The following PCDH15 variants were observed in gnomAD, a reference collection of about 807,000 sequenced individuals.
PCDH15 encodes protocadherin-15.
A neutral mutation model predicts 178.5 loss-of-function variants in PCDH15; 129 were observed. That is an observed-to-expected ratio of 0.72 (90% CI 0.63 to 0.84). The LOEUF (loss-of-function observed/expected upper bound fraction) is 0.84. Among genes scored for constraint, PCDH15 ranks in the 40% least tolerant of loss-of-function variants. PCDH15 has a pLI of 0.00. For missense variants in PCDH15, 2,230 were observed against 2,099.9 expected, an observed-to-expected ratio of 1.06 and a Z score of -1.21; for synonymous variants, 800 against 732.0, an observed-to-expected ratio of 1.09 and a Z score of -1.50.
intron 13 of PCDH15, among the ~76,000 whole-genome samples, chr10:54,166,870 G>A (rs2046284749): frequency 6.6e-6 from 1 of 152,114 alleles, no homozygotes; most frequent in Non-Finnish European, 1.5e-5. Context: ...CCTTGTGAAA[G>A]TCCTTTTCCT....
chr10:53,846,845 T>A (rs1405923777), intron 28 of PCDH15, among the ~76,000 whole-genome samples: 1 of 152,008 alleles, frequency 6.6e-6, no homozygotes, highest in East Asian at 1.9e-4. Context: ...AGCCATAATC[T>A]CAATTACCCA....
chr10:54,648,379 T>A (rs2094179470), intron 2 of PCDH15, among the ~76,000 whole-genome samples: 1 of 152,138 alleles, frequency 6.6e-6, no homozygotes, highest in Non-Finnish European at 1.5e-5. Flanking sequence ...TTTGATTATG[T>A]GTTTTCTTGT....
rs181372382 is a variant in PCDH15, at chr10:55,482,304, T to A, written c.-156+145321A>T. Among the ~76,000 whole-genome samples the A allele has an allele frequency of 4.6e-5, 7 of 151,996 alleles. No homozygotes were observed. The East Asian group carries it at 1.4e-3, about 30-fold the overall frequency. On this transcript the variant is annotated intron_variant, in intron 2 of 5. Coordinates refer to the PCDH15 transcript ENST00000613346. ...AGATTGCCACTCTGTGTCTTTTAAC[T>A]GTGGCATTTAGCCCATCCAGGTTAG...
intron 3 of PCDH15, among the ~76,000 whole-genome samples, chr10:54,889,416 G>A (rs1021722118): frequency 6.0e-5 from 9 of 150,546 alleles, no homozygotes; most frequent in South Asian, 2.1e-4. Context: ...CCCCAAACAC[G>A]CGCACAGAAC....
At chr10:54,521,966 T>C (rs552797696) in intron 3 of PCDH15, among the ~76,000 whole-genome samples, 1 of 151,286 alleles carries the variant, frequency 6.6e-6, no homozygotes, top group South Asian at 2.1e-4. Context: ...TGGGTGCATG[T>C]GGTCCTAGCT....
chr10:55,308,311 G>C (rs1843484297), intron 1 of PCDH15, among the ~76,000 whole-genome samples: 1 of 152,166 alleles, frequency 6.6e-6, no homozygotes, highest in Admixed American at 6.5e-5. Flanking sequence ...AAGCAAACTA[G>C]AGAATGGAAG....
intron 2 of PCDH15, among the ~76,000 whole-genome samples, chr10:54,564,831 C>A (rs541806754): frequency 1.3e-5 from 2 of 152,094 alleles, no homozygotes; most frequent in African/African-American, 4.8e-5. Flanking sequence ...TGAGTACCCT[C>A]AAAAAATTAC....
At chr10:54,433,403 T>G (rs2075150532) in intron 3 of PCDH15, among the ~76,000 whole-genome samples, 3 of 152,170 alleles carry the variant, frequency 2.0e-5, no homozygotes, top group Admixed American at 2.0e-4. Context: ...GATTCTGTCA[T>G]TTGCAACAAC....
At chr10:55,301,502 C>T (rs148267462) in intron 1 of PCDH15, among the ~76,000 whole-genome samples, 1 of 151,486 alleles carries the variant, frequency 6.6e-6, no homozygotes, top group South Asian at 2.1e-4. Context: ...GATGTTAGCC[C>T]CTTATTGTAT....
At chr10:55,417,374 T>C (rs902375577) in intron 2 of PCDH15, among the ~76,000 whole-genome samples, 1 of 151,732 alleles carries the variant, frequency 6.6e-6, no homozygotes, top group Non-Finnish European at 1.5e-5. Context: ...AGGAAAATTT[T>C]ACCTTTGAAG....
chr10:53,964,436 T>TTTTATAAATTTTATTTATTCATAAAA (rs1351053757), intron 21 of PCDH15, among the ~76,000 whole-genome samples: 36 of 132,202 alleles, frequency 2.7e-4, no homozygotes, highest in African/African-American at 8.1e-4. Flanking sequence ...TTCATAAAAT[T>TTTTATAAATTTTATTTATTCATAAAA]TTTATAAAAT....
At position 54,293,737 on chromosome 10, in the gene PCDH15, C is replaced by T. The variant is rs764270573; in HGVS notation, c.876+23534G>A. 1.5e-3 allele frequency among the ~76,000 whole-genome samples: 226 copies of T among 152,126 alleles called. 1 individual carries two copies. Among genetic ancestry groups the T allele is most frequent in the African/African-American group, 3.2e-3 (131 of 41,522 alleles). On this transcript the variant is annotated intron_variant, in intron 8 of 37. Transcript: ENST00000644397. ...AAAAAATGCTCATCATCACTGGTCA[C>T]CAGAGAAATGCAAATCAAAACCACA... is the stretch of plus-strand genomic sequence containing the variant.
Position 53,903,284 on chromosome 10 carries a change from A to T in PCDH15, c.3460T>A (p.Ser1154Thr), listed in dbSNP as rs373714151. Residue 1154 changes from serine to threonine, a missense_variant, in exon 26 of 38, where the codon TCT becomes ACT. Ser to Thr is a moderately conservative substitution (Grantham distance 58). Transcript: ENST00000644397. ...GAAGTAAACATTCTTGCATCTTCAGATACACCTCCGATGTAGAATTTTTTC... is the reference window on the plus strand; with the variant it reads ...GAAGTAAACATTCTTGCATCTTCAGTTACACCTCCGATGTAGAATTTTTTC... ...FQKKFYIGGVSEDARMFTSVL... is the reference protein window; with the variant it reads ...FQKKFYIGGVTEDARMFTSVL... The T allele has an allele frequency of 6.2e-7, 1 of 1,613,222 alleles. No homozygotes were observed. The highest frequency in any genetic ancestry group is 8.5e-7 in the Non-Finnish European group (1 of 1,179,500).
rs186729397 is a variant in PCDH15 at position 54,232,099 on chromosome 10, C to G, written c.985+4724G>C. On this transcript the variant is annotated intron_variant, in intron 9 of 37. Coordinates refer to ENST00000644397, the MANE Select transcript of PCDH15 (RefSeq NM_001384140.1). ...TCATGATATGGTTTGGATTTGTTTC[C>G]CCACCCAAATCTCATGTTAAATTGT... is the stretch of plus-strand genomic sequence containing the variant. Among the ~76,000 whole-genome samples the G allele has an allele frequency of 1.3e-3, 197 of 152,152 alleles. 1 individual carries two copies. The highest frequency in any genetic ancestry group is 4.3e-3 in the African/African-American group (180 of 41,502).
At chr10:55,541,762 G>C (rs1841764614) in intron 2 of PCDH15, among the ~76,000 whole-genome samples, 1 of 151,750 alleles carries the variant, frequency 6.6e-6, no homozygotes, top group African/African-American at 2.4e-5. Flanking sequence ...CATTTATTCA[G>C]TTAATTACAT....
intron 2 of PCDH15, among the ~76,000 whole-genome samples, chr10:55,107,240 T>C (rs1177105042): frequency 1.3e-5 from 2 of 152,194 alleles, no homozygotes; most frequent in African/African-American, 2.4e-5. Context: ...CCAGACCTAA[T>C]TACCAGTGTT....
At chr10:53,821,837 A>T in intron 32 of PCDH15, 2 of 1,611,336 alleles carry the variant, frequency 1.2e-6, no homozygotes, top group Non-Finnish European at 1.7e-6. Flanking sequence ...GGTTTGCCCG[A>T]CTAAAATAAG....
chr10:53,916,033 T>A (rs2083497841), intron 25 of PCDH15, among the ~76,000 whole-genome samples: 1 of 152,176 alleles, frequency 6.6e-6, no homozygotes. Context: ...AGTATTTGCA[T>A]ATAACATATA....
At chr10:55,234,533 A>T (rs1841319688) in intron 1 of PCDH15, among the ~76,000 whole-genome samples, 1 of 151,410 alleles carries the variant, frequency 6.6e-6, no homozygotes, top group African/African-American at 2.4e-5. Flanking sequence ...CCTCCCAACT[A>T]ATTTTTTTGG....
Sources: gnomAD v4.1 joint callset for allele counts (sites outside exome capture counted in the v4.1 genomes callset) on GRCh38, gnomAD v4.1.1 for gene constraint, MANE v1.5 for transcripts, NCBI Gene and HGNC (gene_info 2026-07-23, HGNC 2026-07-21) for gene names.